ZNF544: variants seen among roughly 807,000 people sequenced by gnomAD.
The protein encoded by ZNF544 is zinc finger protein AF020591.
ZNF544 carries 10 observed loss-of-function variants against 13.5 expected under a neutral mutation model. The observed-to-expected ratio is 0.74, with a 90% CI of 0.46 to 1.25. ZNF544 has a LOEUF of 1.25. Ranked by LOEUF, ZNF544 falls within the 50% of genes most tolerant of loss-of-function variation. The pLI is 0.00. For synonymous variants in ZNF544, 323 were observed against 300.5 expected (o/e 1.07, Z -0.77); for missense variants, 896 against 845.6 (o/e 1.06, Z -0.74).
chr19:58,241,937 C>G (rs901451913), intron 3 of ZNF544, among the ~76,000 whole-genome samples: 1 of 152,092 alleles, frequency 6.6e-6, no homozygotes, highest in African/African-American at 2.4e-5. Context: ...CTCTCTCTCT[C>G]TCTCTCTTTG....
At chr19:58,274,319 T>C (rs1016129562) in intron 5 of ZNF544, among the ~76,000 whole-genome samples, 2 of 152,158 alleles carry the variant, frequency 1.3e-5, no homozygotes, top group African/African-American at 4.8e-5. Flanking sequence ...AATGAGGTCA[T>C]TAGAGTGAGC....
chr19:58,246,370 C>T lies in ZNF544; in HGVS notation c.103C>T (p.Gln35Ter). The change falls in exon 5 of 7, where the codon CAG (glutamine) becomes TAG (stop). Residue 35 changes from glutamine to a stop codon, truncating the protein, a stop_gained. Coordinates refer to ENST00000687789, the MANE Select transcript of ZNF544 (RefSeq NM_014480.4). LOFTEE classifies it high-confidence loss of function. ...QEEWEQLDLA[Q>*]RTLYREVTLE... The stretch of plus-strand genomic sequence containing the variant: ...GGAGTGGGAACAGCTGGACCTGGCC[C>T]AGAGGACACTGTACCGAGAGGTGAC... The T allele has an allele frequency of 6.2e-7, 1 of 1,614,076 alleles. No individual in the cohort carries two copies.
intron 3 of ZNF544, among the ~76,000 whole-genome samples, chr19:58,233,949 A>T (rs1443568449): frequency 6.6e-6 from 1 of 152,170 alleles, no homozygotes; most frequent in African/African-American, 2.4e-5. Context: ...ATCTAGAAAG[A>T]GATGTCATTA....
intron 3 of ZNF544, among the ~76,000 whole-genome samples, chr19:58,241,642 G>T (rs1284053796): frequency 6.6e-6 from 1 of 151,842 alleles, no homozygotes; most frequent in African/African-American, 2.4e-5. Flanking sequence ...GACTACAGGC[G>T]CCCGCCACCA....
intron 6 of ZNF544, chr19:58,259,093 T>G (rs985430439): frequency 6.6e-6 from 1 of 152,196 alleles, no homozygotes; most frequent in Non-Finnish European, 1.5e-5. Flanking sequence ...ACATTCTTAC[T>G]CCGGGCTACA....
intron 6 of ZNF544, among the ~76,000 whole-genome samples, chr19:58,254,326 A>C (rs924220333): frequency 6.6e-6 from 1 of 152,232 alleles, no homozygotes; most frequent in African/African-American, 2.4e-5. Flanking sequence ...GTTGGGGCCA[A>C]ACAGTATTGC....
At chr19:58,241,187 T>TAATATATATATATATA (rs1425417671) in intron 3 of ZNF544, among the ~76,000 whole-genome samples, 4 of 50,670 alleles carry the variant, frequency 7.9e-5, no homozygotes, top group Admixed American at 3.8e-4. Context: ...ATATTTTTTT[T>TAATATATATATATATA]TTTTTGTAGA....
In ZNF544 at chr19:58,261,251, T is replaced by G. The variant is rs138883063; in HGVS notation, c.645T>G (p.Ser215Arg). Residue 215 changes from serine (S) to arginine (R), a missense_variant, in exon 7 of 7, where the codon AGT (serine) becomes AGG (arginine). By Grantham distance (110) the Ser-to-Arg change is moderately radical. Transcript: ENST00000687789. ...GAGCAGATGGGAAGCACTGTGAGAG[T>G]CATCAGTGTGCTAGAGCTTTCTGTC... ...KNGADGKHCE[S>R]HQCARAFCQS... The G allele has an allele frequency of 6.2e-6, 10 of 1,613,956 alleles. No individual in the cohort carries two copies. In the African/African-American group the frequency reaches 1.1e-4, roughly 17 times the overall value.
chr19:58,261,679 A>C lies in ZNF544; in HGVS notation c.1073A>C (p.Gln358Pro). Residue 358 changes from glutamine to proline, a missense_variant, in exon 7 of 7, where the codon CAG becomes CCG. By Grantham distance (76) the Gln-to-Pro change is moderately conservative (BLOSUM62 -1). Transcript: ENST00000687789. The stretch of plus-strand genomic sequence containing the variant: ...ACAGAGAAGCCATCTGTGTGTAATC[A>C]GTGTGGAAAATCTTTCAGCTGTTGT... ...QTTEKPSVCN[Q>P]CGKSFSCCKL... 1 of 1,614,230 alleles carries C rather than the reference A, an allele frequency of 6.2e-7. No individual in the cohort carries two copies. The highest frequency in any genetic ancestry group is 8.5e-7 in the Non-Finnish European group (1 of 1,180,042).
chr19:58,241,497 TTC>T (rs1287329792), intron 3 of ZNF544, among the ~76,000 whole-genome samples: 1 of 151,566 alleles, frequency 6.6e-6, no homozygotes, highest in Non-Finnish European at 1.5e-5. Context: ...CACATTCCAT[TTC>T]TTTTTTTTTT....
intron 3 of ZNF544, among the ~76,000 whole-genome samples, chr19:58,239,577 A>C (rs973242019): frequency 4.6e-5 from 7 of 152,204 alleles, no homozygotes; most frequent in Admixed American, 3.9e-4. Flanking sequence ...ATTCACAGTT[A>C]CAGTTTAGTA....
At chr19:58,244,131 CT>C (rs1600270818) in intron 4 of ZNF544, 75 bp downstream of exon 4, 1 of 1,327,462 alleles carries the variant, frequency 7.5e-7, no homozygotes, top group African/African-American at 1.5e-5. Flanking sequence ...GCACCCGCCC[CT>C]GCAGGCTGTC....
At chr19:58,268,791 C>T (rs1268367571), downstream of ZNF544, among the ~76,000 whole-genome samples, 1 of 152,172 alleles carries the variant, frequency 6.6e-6, no homozygotes, top group Non-Finnish European at 1.5e-5. Flanking sequence ...ATGAGCATGT[C>T]CAGCACAAAT....
At chr19:58,238,431 C>T (rs12972884) in intron 3 of ZNF544, among the ~76,000 whole-genome samples, 44,753 of 152,086 alleles carry the variant, frequency 0.29, 7,302 homozygotes, top group Middle Eastern at 0.46. Flanking sequence ...GCACAAGAAA[C>T]AGTGGCTGAG....
At chr19:58,277,134 T>G in intron 6 of ZNF544, 13 of 1,210,988 alleles carry the variant, frequency 1.1e-5, no homozygotes, top group Non-Finnish European at 1.2e-5. Flanking sequence ...TCCAAAACCA[T>G]GTCCTCTCAT....
At chr19:58,267,188 A>C (rs1251433752), downstream of ZNF544, 1 of 152,122 alleles carries the variant, frequency 6.6e-6, no homozygotes, top group East Asian at 2.0e-4. Flanking sequence ...CAATGTCCCA[A>C]GTAGCTGGGA....
At chr19:58,251,784 C>G (rs1043281522) in intron 6 of ZNF544, among the ~76,000 whole-genome samples, 2 of 152,136 alleles carry the variant, frequency 1.3e-5, no homozygotes, top group Admixed American at 1.3e-4. Context: ...TAAGCAGATC[C>G]AAGTTTCTGA....
At chr19:58,247,085 G>GTATT (rs891027667) in intron 6 of ZNF544, among the ~76,000 whole-genome samples, 2 of 151,784 alleles carry the variant, frequency 1.3e-5, no homozygotes, top group African/African-American at 4.8e-5. Flanking sequence ...ATTAATGTAT[G>GTATT]TATTTATTTA....
chr19:58,234,449 G>C (rs898638370), intron 3 of ZNF544, among the ~76,000 whole-genome samples: 1 of 152,240 alleles, frequency 6.6e-6, no homozygotes, highest in Non-Finnish European at 1.5e-5. Context: ...CACAGGCCAG[G>C]GTTGTGCCCT....
Sources: gnomAD v4.1 joint callset for allele counts (sites outside exome capture counted in the v4.1 genomes callset) on GRCh38, gnomAD v4.1.1 for gene constraint, MANE v1.5 for transcripts, NCBI Gene and HGNC (gene_info 2026-07-23, HGNC 2026-07-21) for gene names.